Variants in ZMIZ1 observed in about 807,000 individuals in gnomAD.
ZMIZ1 encodes the protein zinc finger MIZ-type containing 1.
Under a neutral mutation model 113.9 loss-of-function variants are expected in ZMIZ1, and 17 were observed. The observed-to-expected ratio is 0.15, with a 90% CI of 0.10 to 0.22. ZMIZ1 has a LOEUF of 0.22. Among genes scored for constraint, ZMIZ1 ranks in the 10% least tolerant of loss-of-function variants. The pLI, the probability that ZMIZ1 is intolerant of heterozygous loss-of-function variation, is 1.00. For synonymous variants in ZMIZ1, 607 were observed against 603.1 expected (o/e 1.01, Z -0.09); for missense variants, 1,059 against 1,477.8 (o/e 0.72, Z 4.65).
intron 7 of ZMIZ1, among the ~76,000 whole-genome samples, chr10:79,219,276 C>T (rs1312202585): frequency 2.6e-5 from 4 of 152,222 alleles, no homozygotes; most frequent in African/African-American, 9.6e-5. Context: ...TGTGCAGTCC[C>T]TCCACAAAGG....
chr10:79,262,373 C>A (rs1054950062), intron 7 of ZMIZ1, among the ~76,000 whole-genome samples: 1 of 152,244 alleles, frequency 6.6e-6, no homozygotes, highest in African/African-American at 2.4e-5. Flanking sequence ...AATGCATGGG[C>A]AAGATTGAGA....
chr10:79,095,538 C>G (rs1226686322), intron 1 of ZMIZ1, among the ~76,000 whole-genome samples: 1 of 152,198 alleles, frequency 6.6e-6, no homozygotes, highest in East Asian at 1.9e-4. Context: ...GCAGGTCTCT[C>G]CGGTTAGGTA....
intron 8 of ZMIZ1, among the ~76,000 whole-genome samples, chr10:79,279,223 C>T (rs1422851550): frequency 2.0e-5 from 3 of 150,962 alleles, no homozygotes; most frequent in African/African-American, 7.3e-5. Context: ...GGCTGCCGGG[C>T]GGTGGGGCTC....
intron 16 of ZMIZ1, among the ~76,000 whole-genome samples, chr10:79,300,180 G>A (rs773600943): frequency 2.6e-5 from 4 of 152,230 alleles, no homozygotes; most frequent in Non-Finnish European, 4.4e-5. Context: ...GCTCACCCAC[G>A]CTCCTTAGCT....
At chr10:79,270,213 C>T (rs1851867317) in intron 7 of ZMIZ1, among the ~76,000 whole-genome samples, 1 of 152,236 alleles carries the variant, frequency 6.6e-6, no homozygotes, top group South Asian at 2.1e-4. Context: ...AACGGACAGA[C>T]AGTATGGGGG....
intron 4 of ZMIZ1, among the ~76,000 whole-genome samples, chr10:79,167,217 T>C (rs569399045): frequency 1.2e-3 from 185 of 152,388 alleles, no homozygotes; most frequent in Non-Finnish European, 2.2e-3. Flanking sequence ...TGCATCAGAC[T>C]GCCCACCAGG....
At chr10:79,232,227 A>G (rs1032275563) in intron 7 of ZMIZ1, among the ~76,000 whole-genome samples, 1 of 152,186 alleles carries the variant, frequency 6.6e-6, no homozygotes, top group South Asian at 2.1e-4. Flanking sequence ...CCCTGCATGT[A>G]GTGAAAACTC....
chr10:79,073,834 G>A (rs1842380683), intron 1 of ZMIZ1, among the ~76,000 whole-genome samples: 1 of 126,964 alleles, frequency 7.9e-6, no homozygotes, highest in South Asian at 2.4e-4. Context: ...GGCTGGGGTT[G>A]GGTCGGGCCC....
At chr10:79,294,936 AGAG>A (rs1853773396) in intron 12 of ZMIZ1, 1 of 103,458 alleles carries the variant, frequency 9.7e-6, no homozygotes, top group South Asian at 3.2e-4. Context: ...TCAGGAGGGG[AGAG>A]AGAGGGGGGG....
rs1424468970 is a variant in ZMIZ1, at chr10:79,287,895, C to CA, written c.426-1873dup. On this transcript the variant is annotated intron_variant, in intron 8 of 24. Transcript: ENST00000334512. The stretch of plus-strand genomic sequence containing the variant: ...GTTCTAGAGGCAGACAGACAATAAT[C>CA]AAAAAAATATATAATTAGGACAGTG... 6.6e-5 allele frequency among the ~76,000 whole-genome samples: 10 copies of CA among 152,172 alleles called. No individual in the cohort carries two copies. The East Asian group carries it at 1.7e-3, about 26-fold the overall frequency.
At chr10:79,120,196 G>A (rs1046212984) in intron 2 of ZMIZ1, among the ~76,000 whole-genome samples, 3 of 152,190 alleles carry the variant, frequency 2.0e-5, no homozygotes, top group Admixed American at 2.0e-4. Context: ...GCAAATGTGC[G>A]CTTCCTCACA....
chr10:79,264,418 T>C (rs1327510216), intron 7 of ZMIZ1, among the ~76,000 whole-genome samples: 2 of 152,222 alleles, frequency 1.3e-5, no homozygotes, highest in African/African-American at 4.8e-5. Context: ...GGGCCCTGAA[T>C]GCAGGGACTG....
intron 4 of ZMIZ1, among the ~76,000 whole-genome samples, chr10:79,179,494 A>G (rs1384995529): frequency 6.6e-6 from 1 of 152,260 alleles, no homozygotes; most frequent in African/African-American, 2.4e-5. Flanking sequence ...CGCCTCTTCC[A>G]GGCTGAGTGT....
At chr10:79,272,431 C>T (rs938976022) in intron 7 of ZMIZ1, among the ~76,000 whole-genome samples, 2 of 152,252 alleles carry the variant, frequency 1.3e-5, no homozygotes, top group African/African-American at 2.4e-5. Context: ...TCCAGACTTT[C>T]GGAGTCCCTT....
chr10:79,088,271 C>T (rs1183919522), intron 1 of ZMIZ1, among the ~76,000 whole-genome samples: 2 of 152,246 alleles, frequency 1.3e-5, no homozygotes, highest in Non-Finnish European at 2.9e-5. Flanking sequence ...GGCTTGGCTT[C>T]CTGGGAGAAT....
At chr10:79,266,156 G>A (rs552883125) in intron 7 of ZMIZ1, among the ~76,000 whole-genome samples, 1 of 152,228 alleles carries the variant, frequency 6.6e-6, no homozygotes, top group Non-Finnish European at 1.5e-5. Flanking sequence ...CATGTGGCCA[G>A]AGACGGGAGG....
rs912435724 is a variant in ZMIZ1 at position 79,118,711 on chromosome 10, G to A, written c.-336-204G>A. On this transcript the variant is annotated intron_variant, in intron 1 of 24. Coordinates refer to ENST00000334512, the MANE Select transcript of ZMIZ1 (RefSeq NM_020338.4). This position sits in a 1 kb window ranked among gnomAD's most constrained non-coding sequence, Gnocchi z 4.1. ...TGCGGGGCTGCTCGGCCGGTGCTGGGGCTTCGAATGTGACGTTCAGGAGCT... is the reference window on the plus strand; with the variant it reads ...TGCGGGGCTGCTCGGCCGGTGCTGGAGCTTCGAATGTGACGTTCAGGAGCT... Among the ~76,000 whole-genome samples the A allele has an allele frequency of 1.3e-5, 2 of 152,198 alleles. No individual in the cohort carries two copies. The highest frequency in any genetic ancestry group is 2.9e-5 in the Non-Finnish European group (2 of 68,034).
At chr10:79,114,508 T>TGCGTGC (rs774152748) in intron 1 of ZMIZ1, among the ~76,000 whole-genome samples, 1,643 of 64,770 alleles carry the variant, frequency 0.025, 18 homozygotes, top group Non-Finnish European at 0.041. Context: ...TGTGTGTGCG[T>TGCGTGC]GTGTGTGTGT....
At chr10:79,265,889 C>G (rs887182963) in intron 7 of ZMIZ1, among the ~76,000 whole-genome samples, 5 of 152,194 alleles carry the variant, frequency 3.3e-5, no homozygotes, top group African/African-American at 1.2e-4. Context: ...TGGGCTTTGG[C>G]CTTGATCAAC....
Sources: allele counts gnomAD v4.1 joint callset (sites outside exome capture counted in the v4.1 genomes callset), GRCh38; gene constraint gnomAD v4.1.1; non-coding constraint Gnocchi (gnomAD v3.1); transcripts MANE v1.5; gene names NCBI Gene and HGNC (gene_info 2026-07-23, HGNC 2026-07-21).